Variants in CACNA1E observed in about 807,000 individuals in gnomAD.
CACNA1E encodes voltage-dependent R-type calcium channel subunit alpha-1E.
A neutral mutation model predicts 259.2 loss-of-function variants in CACNA1E; 40 were observed. The observed-to-expected ratio is 0.15, with a 90% CI of 0.12 to 0.20. CACNA1E has a LOEUF of 0.20. Ranked by LOEUF, CACNA1E falls within the 10% of genes least tolerant of loss-of-function variation. CACNA1E has a pLI of 1.00. For missense variants in CACNA1E, 1,874 were observed against 3,040.1 expected (o/e 0.62, Z 9.02); for synonymous variants, 1,104 against 1,138.5 (o/e 0.97, Z 0.61).
At chr1:181,558,003 C>A (rs968553477) in intron 3 of CACNA1E, among the ~76,000 whole-genome samples, 1 of 152,144 alleles carries the variant, frequency 6.6e-6, no homozygotes, top group East Asian at 1.9e-4. Context: ...GTCTCAGATA[C>A]AATTGTCCAG....
intron 7 of CACNA1E, among the ~76,000 whole-genome samples, chr1:181,674,925 GCT>G (rs1336107607): frequency 2.0e-5 from 3 of 152,202 alleles, no homozygotes; most frequent in Admixed American, 2.0e-4. Flanking sequence ...GGAAGTTCAG[GCT>G]CTCTCATTCC....
In CACNA1E at chr1:181,535,447, T is replaced by A. The variant is rs79546568; in HGVS notation, c.512+23937T>A. On this transcript the variant is annotated intron_variant, in intron 3 of 47. Coordinates refer to ENST00000367573, the MANE Select transcript of CACNA1E (RefSeq NM_001205293.3). The stretch of plus-strand genomic sequence containing the variant: ...CAACATCATCACAAAACTTTTGTAG[T>A]TCAGTTACTCTGTGTATTTGAAATT... 3.1e-3 allele frequency among the ~76,000 whole-genome samples: 476 copies of A among 152,264 alleles called. 15 individuals carry two copies. In the East Asian group the frequency reaches 0.081, roughly 26 times the overall value.
At chr1:181,492,496 A>G (rs1227152782) in intron 1 of CACNA1E, among the ~76,000 whole-genome samples, 2 of 152,222 alleles carry the variant, frequency 1.3e-5, no homozygotes, top group Non-Finnish European at 2.9e-5. Context: ...TAGAAATATT[A>G]TAGGAGCTGG....
chr1:181,518,079 G>A (rs543938889), intron 3 of CACNA1E, among the ~76,000 whole-genome samples: 1 of 152,234 alleles, frequency 6.6e-6, no homozygotes, highest in East Asian at 1.9e-4. Context: ...TGGGGAGCAA[G>A]GGCAGAATGG....
chr1:181,550,545 G>T (rs1029538197), intron 3 of CACNA1E, among the ~76,000 whole-genome samples: 12 of 152,058 alleles, frequency 7.9e-5, no homozygotes, highest in African/African-American at 2.9e-4. Flanking sequence ...GGCTGAGAGG[G>T]AGCTGGCAGG....
At chr1:181,575,645 A>G (rs912495499) in intron 3 of CACNA1E, among the ~76,000 whole-genome samples, 4 of 152,194 alleles carry the variant, frequency 2.6e-5, no homozygotes, top group African/African-American at 7.2e-5. Flanking sequence ...TTTCATTTCC[A>G]ACAGGGCTTT....
chr1:181,574,000 A>G (rs1650689532), intron 3 of CACNA1E, among the ~76,000 whole-genome samples: 1 of 152,222 alleles, frequency 6.6e-6, no homozygotes, highest in African/African-American at 2.4e-5. Context: ...ACTGGAAGCC[A>G]TTATCCTCAG....
chr1:181,642,169 AC>A, intron 6 of CACNA1E, among the ~76,000 whole-genome samples: 1 of 152,216 alleles, frequency 6.6e-6, no homozygotes, highest in South Asian at 2.1e-4. Flanking sequence ...TAAGTGGAGT[AC>A]CTTTTGGCAG....
At chr1:181,772,616 T>TAA (rs1659618652) in intron 37 of CACNA1E, among the ~76,000 whole-genome samples, 1 of 152,254 alleles carries the variant, frequency 6.6e-6, no homozygotes, top group South Asian at 2.1e-4. Context: ...TTTTATCTTA[T>TAA]AAGTACGTCT....
At chr1:181,766,126 G>A (rs775480768) in intron 34 of CACNA1E, among the ~76,000 whole-genome samples, 1 of 152,176 alleles carries the variant, frequency 6.6e-6, no homozygotes. Context: ...GCCACTTTGG[G>A]TATGGGAGTG....
intron 3 of CACNA1E, among the ~76,000 whole-genome samples, chr1:181,541,839 A>G (rs1668609456): frequency 6.6e-6 from 1 of 152,218 alleles, no homozygotes; most frequent in Admixed American, 6.5e-5. Context: ...TCACTTACTA[A>G]CACAGTGATC....
intron 6 of CACNA1E, among the ~76,000 whole-genome samples, chr1:181,605,353 G>C (rs2103083908): frequency 6.6e-6 from 1 of 152,312 alleles, no homozygotes; most frequent in African/African-American, 2.4e-5. Flanking sequence ...GGGCTGGGAA[G>C]TTCTGCCTAT....
At chr1:181,424,956 G>GGCCA (rs1344290396) in intron 2 of CACNA1E, among the ~76,000 whole-genome samples, 1 of 152,184 alleles carries the variant, frequency 6.6e-6, no homozygotes, top group Admixed American at 6.5e-5. Flanking sequence ...GGCCATATCT[G>GGCCA]TAGAAGGAGG....
intron 2 of CACNA1E, among the ~76,000 whole-genome samples, chr1:181,440,235 A>T (rs1660370799): frequency 6.6e-6 from 1 of 151,790 alleles, no homozygotes. Context: ...GCTTCCATAG[A>T]AGGAGATGAA....
intron 7 of CACNA1E, among the ~76,000 whole-genome samples, chr1:181,695,986 C>T (rs893552434): frequency 3.9e-5 from 6 of 152,228 alleles, no homozygotes; most frequent in Middle Eastern, 3.4e-3. Flanking sequence ...AGAATCTAGA[C>T]CTTCCTCTCT....
At chr1:181,609,090 C>CTTTG (rs1654503491) in intron 6 of CACNA1E, among the ~76,000 whole-genome samples, 1 of 152,200 alleles carries the variant, frequency 6.6e-6, no homozygotes, top group Non-Finnish European at 1.5e-5. Flanking sequence ...TCTTCCTTAG[C>CTTTG]ACCTGAATGA....
rs552709856 is a variant in CACNA1E, at chr1:181,661,096, G to A, written c.1055+9655G>A. Among the ~76,000 whole-genome samples the A allele has an allele frequency of 6.6e-5, 10 of 152,302 alleles. No homozygotes were observed. In the South Asian group the frequency reaches 1.0e-3, roughly 16 times the overall value. ...CTTTGAAGAGCCAGCGATAGTTTGC[G>A]AGCACAAGGGAGAAGCACATTCTAG... is the stretch of plus-strand genomic sequence containing the variant. On this transcript the variant is annotated intron_variant, in intron 7 of 47. Transcript: ENST00000367573.
chr1:181,466,310 A>G (rs949398878), intron 2 of CACNA1E, among the ~76,000 whole-genome samples: 2 of 152,136 alleles, frequency 1.3e-5, no homozygotes, highest in African/African-American at 2.4e-5. Flanking sequence ...TGGGAGGCCA[A>G]GGCTGGTGGA....
chr1:181,447,124 A>G (rs1364351777), intron 2 of CACNA1E, among the ~76,000 whole-genome samples: 2 of 152,228 alleles, frequency 1.3e-5, no homozygotes, highest in Admixed American at 1.3e-4. Flanking sequence ...GGGTTCAAAT[A>G]TCCAGAATAT....
Sources: gnomAD v4.1 joint callset for allele counts (sites outside exome capture counted in the v4.1 genomes callset) on GRCh38, gnomAD v4.1.1 for gene constraint, MANE v1.5 for transcripts, NCBI Gene and HGNC (gene_info 2026-07-23, HGNC 2026-07-21) for gene names.